CDH23: variants seen among roughly 807,000 people sequenced by gnomAD.
CDH23 encodes cadherin related 23, also known as cadherin-23.
CDH23 carries 189 observed loss-of-function variants against 317.1 expected under a neutral mutation model. That is an observed-to-expected ratio of 0.60 (90% CI 0.53 to 0.67). The LOEUF (loss-of-function observed/expected upper bound fraction) is 0.67, where lower values mean the gene tolerates loss of function less well. Ranked by LOEUF, CDH23 falls within the 30% of genes least tolerant of loss-of-function variation. CDH23 has a pLI of 0.00. For missense variants in CDH23, 4,401 were observed against 4,592.4 expected (o/e 0.96, Z 1.20); for synonymous variants, 1,839 against 1,876.8 (o/e 0.98, Z 0.52).
intron 9 of CDH23, among the ~76,000 whole-genome samples, chr10:71,585,472 C>T (rs1858988741): frequency 1.3e-5 from 2 of 152,194 alleles, no homozygotes; most frequent in South Asian, 4.1e-4. Context: ...CTGGAACAAA[C>T]CTGCTGTCCA....
chr10:71,427,887 A>G (rs7896529), intron 1 of CDH23, among the ~76,000 whole-genome samples: 79,747 of 151,284 alleles, frequency 0.53, 21,347 homozygotes, highest in Non-Finnish European at 0.56. Context: ...TAATTTTTGT[A>G]TTTTTAGTAG....
At chr10:71,725,687 C>T (rs1226898880) in intron 30 of CDH23, among the ~76,000 whole-genome samples, 167 bp downstream of exon 30, 1 of 152,184 alleles carries the variant, frequency 6.6e-6, no homozygotes, top group Non-Finnish European at 1.5e-5. Context: ...CAGCCTGGGA[C>T]TTGGACTTGT....
intron 9 of CDH23, among the ~76,000 whole-genome samples, chr10:71,614,919 T>G (rs1861100574): frequency 6.6e-6 from 1 of 152,254 alleles, no homozygotes. Context: ...GCCAGTACTT[T>G]AATACATATC....
Position 71,732,136 on chromosome 10 carries a change from G to T in CDH23, c.3865G>T (p.Ala1289Ser). The T allele has an allele frequency of 6.2e-7, 1 of 1,614,008 alleles. No individual in the cohort carries two copies. The highest frequency in any genetic ancestry group is 1.1e-5 in the South Asian group (1 of 91,080). Residue 1289 changes from alanine to serine, a missense_variant, in exon 32 of 70, where the codon GCC (alanine) becomes TCC (serine). Around this residue, in one of 3 missense-constraint regions of CDH23, gnomAD observed 3,068 missense variants for 3,203.3 expected, o/e 0.96. Coordinates refer to ENST00000224721, the MANE Select transcript of CDH23 (RefSeq NM_022124.6). ...YMMNVSATDQ[A>S]PPFNQGFCSV... is the part of the protein sequence containing the mutation. ...GATGAATGTGTCGGCCACTGACCAG[G>T]CCCCGCCCTTCAACCAGGGCTTCTG...
chr10:71,740,950 G>A lies in CDH23; in HGVS notation c.4617G>A (p.Glu1539=). ...TTGGATACAATGTCAGTGTGAATGA[G>A]GTGAGGGCAGCCCCGGGGCCCATAT... ...SPFGYNVSVN[E]NVGGGTAVVQ... is the part of the protein sequence containing the mutation. Residue 1539 remains glutamate, a splice_region_variant and synonymous_variant, in exon 37 of 70, where the codon GAG becomes GAA. Transcript: ENST00000224721. 2 of 1,613,936 alleles carry A rather than the reference G, an allele frequency of 1.2e-6. No individual in the cohort carries two copies. Among genetic ancestry groups the A allele is most frequent in the Non-Finnish European group, 1.7e-6 (2 of 1,179,858 alleles).
At chr10:71,732,854 C>A in intron 32 of CDH23, 2 of 289,216 alleles carry the variant, frequency 6.9e-6, no homozygotes, top group Non-Finnish European at 1.1e-5. Flanking sequence ...TTGACACCAG[C>A]TGGGAATCCT....
At chr10:71,457,417 A>G (rs1201208648) in intron 3 of CDH23, among the ~76,000 whole-genome samples, 2 of 152,196 alleles carry the variant, frequency 1.3e-5, no homozygotes, top group Non-Finnish European at 2.9e-5. Context: ...ATAGCCAGTA[A>G]GCAGTAGAGT....
chr10:71,467,359 G>C (rs771059908), intron 3 of CDH23, among the ~76,000 whole-genome samples: 3 of 152,220 alleles, frequency 2.0e-5, no homozygotes, highest in Admixed American at 6.5e-5. Context: ...GGCTGGGCCC[G>C]ATCCTCAGAG....
chr10:71,623,834 A>G (rs1465468809), intron 11 of CDH23, among the ~76,000 whole-genome samples: 1 of 152,072 alleles, frequency 6.6e-6, no homozygotes, highest in African/African-American at 2.4e-5. Context: ...GTGATTTCAA[A>G]TCAGCCCAGG....
rs879659658 is a variant in CDH23 at position 71,582,019 on chromosome 10, G to A, written c.832+4027G>A. 6.6e-5 allele frequency among the ~76,000 whole-genome samples: 10 copies of A among 152,328 alleles called. No homozygotes were observed. In the East Asian group the frequency reaches 7.7e-4, roughly 12 times the overall value. On this transcript the variant is annotated intron_variant, in intron 9 of 69. Transcript: ENST00000224721. ...CCTCTCAATCCTGTGGTCCTCGCCC[G>A]TGGAACCAGGTTAATAATCCACACA...
At chr10:71,579,559 T>A (rs1465721962) in intron 9 of CDH23, among the ~76,000 whole-genome samples, 1 of 152,164 alleles carries the variant, frequency 6.6e-6, no homozygotes, top group African/African-American at 2.4e-5. Flanking sequence ...TTGGGCCCCA[T>A]GGAGATTCTC....
chr10:71,471,220 C>T (rs1035352892), intron 3 of CDH23, among the ~76,000 whole-genome samples: 9 of 152,340 alleles, frequency 5.9e-5, no homozygotes, highest in Admixed American at 2.0e-4. Context: ...GCGCGCAGCC[C>T]GGCTCTTGCT....
intron 9 of CDH23, among the ~76,000 whole-genome samples, chr10:71,600,762 C>A (rs963966365): frequency 6.6e-6 from 1 of 151,408 alleles, no homozygotes; most frequent in Non-Finnish European, 1.5e-5. Flanking sequence ...GTGATCCACA[C>A]GCCTCGGCCT....
At chr10:71,714,647 G>A (rs577119760) in intron 28 of CDH23, 3 of 152,348 alleles carry the variant, frequency 2.0e-5, no homozygotes, top group Admixed American at 2.0e-4. Flanking sequence ...GCTCCCAGAG[G>A]GCACTGCACA....
Position 71,808,026 on chromosome 10 carries a change from T to G in CDH23, c.8722+19T>G. The G allele has an allele frequency of 6.4e-7, 1 of 1,569,226 alleles. No individual in the cohort carries two copies. The highest frequency in any genetic ancestry group is 8.6e-7 in the Non-Finnish European group (1 of 1,156,736). ...ACCATGGGTAGGGCCTGGCAGCACATGAGTGGCCTCTAGCCATGACCTCTC... is the reference window on the plus strand; with the variant it reads ...ACCATGGGTAGGGCCTGGCAGCACAGGAGTGGCCTCTAGCCATGACCTCTC... On this transcript the variant is annotated intron_variant, in intron 60 of 69. Transcript: ENST00000224721.
In CDH23 at chr10:71,595,627, G is replaced by A. The variant is rs976820075; in HGVS notation, c.832+17635G>A. 5.3e-5 allele frequency among the ~76,000 whole-genome samples: 8 copies of A among 152,164 alleles called. No individual in the cohort carries two copies. In the South Asian group the frequency reaches 8.3e-4, roughly 16 times the overall value. ...GGAATCTGCAGGTCCCAAACACACG[G>A]CCCTCACAACCCAGAAAGGAGCCAT... On this transcript the variant is annotated intron_variant, in intron 9 of 69. Coordinates refer to ENST00000224721, the MANE Select transcript of CDH23 (RefSeq NM_022124.6).
At chr10:71,646,749 G>T in intron 14 of CDH23, 132 bp downstream of exon 14, 1 of 1,602,754 alleles carries the variant, frequency 6.2e-7, no homozygotes, top group South Asian at 1.1e-5. Context: ...AGCTGTGTTT[G>T]TTGGTGTATT....
chr10:71,703,063 C>G (rs1451070788), intron 24 of CDH23, among the ~76,000 whole-genome samples: 1 of 152,162 alleles, frequency 6.6e-6, no homozygotes, highest in Non-Finnish European at 1.5e-5. Context: ...CATGCCTTCT[C>G]ATAAGCCCCG....
intron 2 of CDH23, among the ~76,000 whole-genome samples, chr10:71,443,309 T>C (rs1161218327): frequency 6.6e-6 from 1 of 152,212 alleles, no homozygotes; most frequent in African/African-American, 2.4e-5. Flanking sequence ...TGGCCCACCC[T>C]GATCCGGTGG....
Sources: gnomAD v4.1 joint callset for allele counts (sites outside exome capture counted in the v4.1 genomes callset) on GRCh38, gnomAD v4.1.1 for gene constraint, gnomAD v4.1.1 regional missense constraint, MANE v1.5 for transcripts, NCBI Gene and HGNC (gene_info 2026-07-23, HGNC 2026-07-21) for gene names.